The following DSC1 variants were observed in gnomAD, a reference collection of about 807,000 sequenced individuals.
DSC1 encodes desmocollin 1.
In DSC1, 79 loss-of-function variants were observed where a neutral mutation model predicts 98.8. The ratio of observed to expected loss-of-function variants is 0.80; its 90% CI spans 0.67 to 0.96. DSC1 has a LOEUF of 0.96. Ranked by LOEUF, DSC1 falls within the 50% of genes least tolerant of loss-of-function variation. DSC1 has a pLI of 0.00. For synonymous variants in DSC1, 405 were observed against 372.1 expected, an observed-to-expected ratio of 1.09 and a Z score of -1.02; for missense variants, 1,115 against 1,075.9, an observed-to-expected ratio of 1.04 and a Z score of -0.51.
chr18:31,151,171 TA>T (rs1483908061), intron 5 of DSC1, among the ~76,000 whole-genome samples: 1 of 152,264 alleles, frequency 6.6e-6, no homozygotes, highest in Non-Finnish European at 1.5e-5. Flanking sequence ...TAATTTGAAA[TA>T]ATATTTTTGT....
chr18:31,148,758 G>A lies in DSC1; in HGVS notation c.628-116C>T, dbSNP rs911736076. ...AAAAAAAAATCATTCCCAAAGACCC[G>A]TAACTAAGAAATGATGCAATAGAGA... On this transcript the variant is annotated intron_variant, in intron 5 of 15. Coordinates refer to ENST00000257198, the MANE Select transcript of DSC1 (RefSeq NM_024421.2). 5.5e-5 allele frequency: 56 copies of A among 1,026,582 alleles called. No individual in the cohort carries two copies. In the Admixed American group the frequency reaches 8.1e-4, roughly 15 times the overall value. The allele number at this position is 1,026,582 out of a possible 1,614,324, so 63.6% of individuals were successfully genotyped here. A position where few individuals can be genotyped will look rare whatever the true frequency, so the allele number is the denominator to read the frequency against.
Position 31,159,469 on chromosome 18 carries a change from G to A in DSC1, c.124C>T (p.Gln42Ter). Residue 42 changes from glutamine (Q) to a stop codon, truncating the protein, a stop_gained, in exon 2 of 16, where the codon CAG becomes TAG. Coordinates refer to ENST00000257198, the MANE Select transcript of DSC1 (RefSeq NM_024421.2). LOFTEE classifies it high-confidence loss of function. ...KVYLRVPSHL[Q>*]AETLVGKVNL... ...CCTTTGCCTACAAGTGTTTCAGCCT[G>A]AAGATGAGAAGGAACTCGAAGATAA... 1 of 1,610,700 alleles carries A rather than the reference G, an allele frequency of 6.2e-7. No homozygotes were observed. The highest frequency in any genetic ancestry group is 1.3e-5 in the African/African-American group (1 of 74,312).
intron 7 of DSC1, among the ~76,000 whole-genome samples, chr18:31,145,038 C>A (rs1988817161): frequency 2.0e-5 from 3 of 150,322 alleles, no homozygotes; most frequent in Admixed American, 1.3e-4. Context: ...CTCCCGGGTT[C>A]ACGCCATTCT....
chr18:31,161,113 T>C lies in DSC1; in HGVS notation c.63+1419A>G, dbSNP rs1452058564. Among the ~76,000 whole-genome samples, 4 of 152,160 alleles carry C rather than the reference T, an allele frequency of 2.6e-5. No individual in the cohort carries two copies. In the South Asian group the frequency reaches 6.2e-4, roughly 24 times the overall value. On this transcript the variant is annotated intron_variant, in intron 1 of 15. Transcript: ENST00000257198. ...GGTGTATAGTATATAGTATAGCTTA[T>C]TGTAAGCTACAAACCTGTACAGCAT...
chr18:31,136,467 C>T (rs1055748233), intron 11 of DSC1, among the ~76,000 whole-genome samples: 12 of 152,146 alleles, frequency 7.9e-5, no homozygotes, highest in Non-Finnish European at 1.5e-4. Context: ...TATCCCATAA[C>T]TTACTATTTT....
intron 5 of DSC1, among the ~76,000 whole-genome samples, chr18:31,149,320 C>T (rs1224205924): frequency 1.3e-5 from 2 of 152,122 alleles, no homozygotes; most frequent in Non-Finnish European, 2.9e-5. Context: ...TAAACCTACC[C>T]AAAGTGAATT....
In DSC1 at chr18:31,134,244, C is replaced by CTTT. The variant is rs60325074; in HGVS notation, c.1877-117_1877-115dup. 4.8e-3 allele frequency: 5,216 copies of CTTT among 1,081,810 alleles called. 130 individuals are homozygous for CTTT. The African/African-American group carries it at 0.075, about 16-fold the overall frequency. The allele number at this position is 1,081,810 out of a possible 1,614,324, so 67.0% of individuals were successfully genotyped here. The stretch of plus-strand genomic sequence containing the variant: ...ATTTAGAATAAAAACTCGAATTTTT[C>CTTT]TTTTTTTTTTTGAATTTGTGATTTC... On this transcript the variant is annotated intron_variant, in intron 12 of 15. Coordinates refer to ENST00000257198, the MANE Select transcript of DSC1 (RefSeq NM_024421.2).
At chr18:31,142,296 C>T (rs1988755014) in intron 8 of DSC1, 112 bp from the exon 9 acceptor site, 2 of 1,134,860 alleles carry the variant, frequency 1.8e-6, no homozygotes, top group South Asian at 1.6e-5. Context: ...AAAAGCTGCC[C>T]TCACTATATG....
chr18:31,138,857 G>A (rs1441823758), intron 11 of DSC1, among the ~76,000 whole-genome samples: 1 of 151,834 alleles, frequency 6.6e-6, no homozygotes, highest in Non-Finnish European at 1.5e-5. Flanking sequence ...GTAGTCAAAC[G>A]AATAGGCTAT....
intron 5 of DSC1, among the ~76,000 whole-genome samples, chr18:31,149,480 T>G (rs759234930): frequency 4.6e-5 from 7 of 152,192 alleles, no homozygotes; most frequent in Non-Finnish European, 1.0e-4. Flanking sequence ...TCTAGAGATT[T>G]TGGCATTTTT....
chr18:31,141,923 T>C (rs1598618763), intron 9 of DSC1, 76 bp downstream of exon 9: 2 of 1,416,420 alleles, frequency 1.4e-6, no homozygotes, highest in East Asian at 2.4e-5. Context: ...GTCATATACA[T>C]ATAAGAATTA....
At chr18:31,153,189 A>G (rs1989033469) in intron 5 of DSC1, among the ~76,000 whole-genome samples, 1 of 152,092 alleles carries the variant, frequency 6.6e-6, no homozygotes, top group Non-Finnish European at 1.5e-5. Context: ...AGGTTGGCAA[A>G]CAGAACCCTA....
chr18:31,157,618 G>A, intron 2 of DSC1, 45 bp from the exon 3 acceptor site: 1 of 1,606,274 alleles, frequency 6.2e-7, no homozygotes, highest in Non-Finnish European at 8.5e-7. Context: ...TGAAACAGGA[G>A]TGGAACAAGT....
chr18:31,160,757 TG>T (rs1989193439), intron 1 of DSC1, among the ~76,000 whole-genome samples: 1 of 152,202 alleles, frequency 6.6e-6, no homozygotes, highest in South Asian at 2.1e-4. Flanking sequence ...TGTTAATAGT[TG>T]TCTAAGTATA....
intron 11 of DSC1, among the ~76,000 whole-genome samples, chr18:31,137,605 T>C (rs775888206): frequency 2.0e-5 from 3 of 152,172 alleles, no homozygotes; most frequent in Non-Finnish European, 4.4e-5. Context: ...TTAAGCTTGT[T>C]AGGAGAACAG....
In DSC1 at chr18:31,143,691, T is replaced by C. The variant is rs563751437; in HGVS notation, c.1040A>G (p.Glu347Gly). ...TGTGAAAGATGGTGGATTGTCATTT[T>C]CATCCTCAAGTGAAATAGTAATTGT... Reference protein sequence around the residue: ...TGTITISLEDENDNPPSFTET... With the variant: ...TGTITISLEDGNDNPPSFTET... Residue 347 changes from glutamate (E) to glycine (G), a missense_variant, in exon 8 of 16, where the codon GAA becomes GGA. Coordinates refer to ENST00000257198, the MANE Select transcript of DSC1 (RefSeq NM_024421.2). The C allele has an allele frequency of 1.9e-6, 3 of 1,593,952 alleles. No homozygotes were observed. Among genetic ancestry groups the C allele is most frequent in the East Asian group, 2.3e-5 (1 of 44,022 alleles).
intron 1 of DSC1, among the ~76,000 whole-genome samples, chr18:31,161,878 A>T (rs1249522610): frequency 1.3e-5 from 2 of 152,174 alleles, no homozygotes; most frequent in East Asian, 3.9e-4. Context: ...AAAATGAAAA[A>T]ATAGGAAACT....
chr18:31,156,391 AG>A (rs1989098847), intron 3 of DSC1, among the ~76,000 whole-genome samples: 1 of 152,222 alleles, frequency 6.6e-6, no homozygotes, highest in Admixed American at 6.5e-5. Flanking sequence ...GGAAATGTAT[AG>A]GGCATTTGGA....
rs184431655 is a variant in DSC1, at chr18:31,136,052, A to G, written c.1664-1268T>C. Among the ~76,000 whole-genome samples, 22 of 152,162 alleles carry G rather than the reference A, an allele frequency of 1.4e-4. No homozygotes were observed. In the East Asian group the frequency reaches 2.5e-3, roughly 17 times the overall value. On this transcript the variant is annotated intron_variant, in intron 11 of 15. Transcript: ENST00000257198. Reference sequence around the variant, plus strand: ...TGACTTTTAAACTAATTGTTTGTATAAAGTAACTACTATTTATGCCTATTT... The same window carrying G: ...TGACTTTTAAACTAATTGTTTGTATGAAGTAACTACTATTTATGCCTATTT...
Sources: gnomAD v4.1 joint callset for allele counts (sites outside exome capture counted in the v4.1 genomes callset) on GRCh38, gnomAD v4.1.1 for gene constraint, MANE v1.5 for transcripts, NCBI Gene and HGNC (gene_info 2026-07-23, HGNC 2026-07-21) for gene names.